Variants in CDH4 observed in about 807,000 individuals in gnomAD.
CDH4 encodes cadherin 4.
In CDH4, 33 loss-of-function variants were observed where a neutral mutation model predicts 86.0. The observed-to-expected ratio is 0.38, with a 90% CI of 0.29 to 0.51. The LOEUF is 0.51. Ranked by LOEUF, CDH4 falls within the 20% of genes least tolerant of loss-of-function variation. The pLI is 0.86. For missense variants in CDH4, 1,114 were observed against 1,307.4 expected, an observed-to-expected ratio of 0.85 and a Z score of 2.28; for synonymous variants, 555 against 549.4, an observed-to-expected ratio of 1.01 and a Z score of -0.14.
At chr20:61,625,034 A>G (rs554693274) in intron 2 of CDH4, among the ~76,000 whole-genome samples, 85 of 152,304 alleles carry the variant, frequency 5.6e-4, no homozygotes, top group Non-Finnish European at 9.4e-4. Flanking sequence ...CAAGTTGAGC[A>G]AGAGGGGCTT....
At chr20:61,790,081 T>C (rs1020731819) in intron 4 of CDH4, among the ~76,000 whole-genome samples, 13 of 151,820 alleles carry the variant, frequency 8.6e-5, no homozygotes, top group African/African-American at 3.1e-4. Context: ...ATCCATCTGT[T>C]CATCCATGTA....
chr20:61,304,363 C>T lies in CDH4; in HGVS notation c.169+49426C>T, dbSNP rs573589750. 4.0e-5 allele frequency among the ~76,000 whole-genome samples: 6 copies of T among 151,252 alleles called. No individual in the cohort carries two copies. In the Admixed American group the frequency reaches 4.0e-4, roughly 10 times the overall value. On this transcript the variant is annotated intron_variant, in intron 2 of 15. Coordinates refer to ENST00000614565, the MANE Select transcript of CDH4 (RefSeq NM_001794.5). The stretch of plus-strand genomic sequence containing the variant: ...TTTGTTATTTTACTTCATTCTGATA[C>T]TGGTTTTCTGCGTCCTAGTTTTATT...
chr20:61,921,113 G>A (rs540107011), intron 9 of CDH4, among the ~76,000 whole-genome samples: 12 of 147,440 alleles, frequency 8.1e-5, no homozygotes, highest in South Asian at 6.5e-4. Context: ...GCATGGAAGC[G>A]TGGTGTCACG....
At chr20:61,756,857 G>C (rs980702318) in intron 3 of CDH4, among the ~76,000 whole-genome samples, 1 of 152,168 alleles carries the variant, frequency 6.6e-6, no homozygotes, top group African/African-American at 2.4e-5. Flanking sequence ...TCTGCAGAAG[G>C]CATATCTGCC....
chr20:61,824,436 C>T (rs578043549), intron 4 of CDH4, among the ~76,000 whole-genome samples: 9 of 151,992 alleles, frequency 5.9e-5, no homozygotes, highest in South Asian at 2.1e-4. Context: ...GAGAGGCAGG[C>T]GAGAATTAAA....
rs2085848443 is a variant in CDH4, at chr20:61,519,050, G to A, written c.170-224513G>A. On this transcript the variant is annotated intron_variant, in intron 2 of 15. Coordinates refer to ENST00000614565, the MANE Select transcript of CDH4 (RefSeq NM_001794.5). ...TGAAGCCCTGTCCACCACCCCAGAT[G>A]GGCTTTCTGTAAGTCGCTGAGTATG... Among the ~76,000 whole-genome samples the A allele has an allele frequency of 1.3e-5, 2 of 152,140 alleles. 1 individual carries two copies. Among genetic ancestry groups the A allele is most frequent in the South Asian group, 4.1e-4 (2 of 4,834 alleles).
intron 2 of CDH4, among the ~76,000 whole-genome samples, chr20:61,526,943 T>C (rs1286507943): frequency 6.6e-6 from 1 of 152,260 alleles, no homozygotes; most frequent in Non-Finnish European, 1.5e-5. Flanking sequence ...TGAAAATTGA[T>C]TCAAGTTTGA....
intron 2 of CDH4, among the ~76,000 whole-genome samples, chr20:61,711,242 G>C (rs1042415386): frequency 6.6e-6 from 1 of 152,198 alleles, no homozygotes; most frequent in African/African-American, 2.4e-5. Context: ...AGGAGGATGT[G>C]TTTGCTTCCC....
At chr20:61,281,344 G>A (rs994222449) in intron 2 of CDH4, among the ~76,000 whole-genome samples, 21 of 152,182 alleles carry the variant, frequency 1.4e-4, no homozygotes, top group Non-Finnish European at 1.5e-4. Context: ...CCTTACAAAA[G>A]GGACCCCAGA....
chr20:61,651,771 T>C (rs987966927), intron 2 of CDH4, among the ~76,000 whole-genome samples: 1 of 152,236 alleles, frequency 6.6e-6, no homozygotes, highest in South Asian at 2.1e-4. Flanking sequence ...TTAGTATCTT[T>C]CTCAGGATTC....
In CDH4 at chr20:61,417,037, A is replaced by G. The variant is rs2085150971; in HGVS notation, c.169+162100A>G. ...GCTGGGGAGGTGTTTGGAAACACCAATTCAGAACACAGCAAGACTGGCGCA... is the reference window on the plus strand; with the variant it reads ...GCTGGGGAGGTGTTTGGAAACACCAGTTCAGAACACAGCAAGACTGGCGCA... On this transcript the variant is annotated intron_variant, in intron 2 of 15. Coordinates refer to ENST00000614565, the MANE Select transcript of CDH4 (RefSeq NM_001794.5). This position sits in a 1 kb window ranked among gnomAD's most constrained non-coding sequence, Gnocchi z 4.0. 6.6e-6 allele frequency among the ~76,000 whole-genome samples: 1 copy of G among 152,298 alleles called. No homozygotes were observed. Among genetic ancestry groups the G allele is most frequent in the South Asian group, 2.1e-4 (1 of 4,806 alleles).
At chr20:61,591,656 G>A (rs1219849895) in intron 2 of CDH4, among the ~76,000 whole-genome samples, 1 of 152,220 alleles carries the variant, frequency 6.6e-6, no homozygotes, top group Non-Finnish European at 1.5e-5. Flanking sequence ...CAGCATGAAA[G>A]CTGAAGTCGT....
intron 2 of CDH4, among the ~76,000 whole-genome samples, chr20:61,690,822 C>T (rs1250667492): frequency 6.6e-6 from 1 of 152,060 alleles, no homozygotes; most frequent in East Asian, 1.9e-4. Context: ...GGGAAAGTGG[C>T]CTTAGGTTTT....
At chr20:61,479,763 CGTG>C (rs2085558945) in intron 2 of CDH4, among the ~76,000 whole-genome samples, 1 of 152,142 alleles carries the variant, frequency 6.6e-6, no homozygotes, top group South Asian at 2.1e-4. Flanking sequence ...CTGGGAAAAT[CGTG>C]GTCATGATTC....
At chr20:61,316,849 A>G (rs932161352) in intron 2 of CDH4, among the ~76,000 whole-genome samples, 10 of 152,118 alleles carry the variant, frequency 6.6e-5, no homozygotes, top group Non-Finnish European at 8.8e-5. Context: ...TTTGTACAGC[A>G]TGATAGTCAC....
intron 2 of CDH4, among the ~76,000 whole-genome samples, chr20:61,475,527 TGCCCGC>T (rs1568858251): frequency 0.025 from 1 of 40 alleles, no homozygotes; most frequent in Non-Finnish European, 0.083. Flanking sequence ...TCTCTCCCCC[TGCCCGC>T]CCCTCCCTCT....
At chr20:61,496,727 A>C (rs764415509) in intron 2 of CDH4, among the ~76,000 whole-genome samples, 1 of 152,152 alleles carries the variant, frequency 6.6e-6, no homozygotes, top group Non-Finnish European at 1.5e-5. Flanking sequence ...ATCCTTGTTC[A>C]GTCAGCCCCT....
At chr20:61,654,086 G>A (rs2145821070) in intron 2 of CDH4, among the ~76,000 whole-genome samples, 1 of 152,192 alleles carries the variant, frequency 6.6e-6, no homozygotes, top group South Asian at 2.1e-4. Context: ...CTGGGAGGTG[G>A]AGGTTGTAGC....
intron 8 of CDH4, among the ~76,000 whole-genome samples, chr20:61,904,475 C>T (rs922889502): frequency 6.6e-6 from 1 of 152,134 alleles, no homozygotes; most frequent in Non-Finnish European, 1.5e-5. Flanking sequence ...TCCTCACGCC[C>T]ACCAGCCAGA....
Sources: allele counts gnomAD v4.1 joint callset (sites outside exome capture counted in the v4.1 genomes callset), GRCh38; gene constraint gnomAD v4.1.1; non-coding constraint Gnocchi (gnomAD v3.1); transcripts MANE v1.5; gene names NCBI Gene and HGNC (gene_info 2026-07-23, HGNC 2026-07-21).